Variants in MOK observed in about 807,000 individuals in gnomAD.
MOK encodes the protein MAPK/MAK/MRK overlapping kinase.
MOK carries 59 observed loss-of-function variants against 54.2 expected under a neutral mutation model. That is an observed-to-expected ratio of 1.09 (90% CI 0.88 to 1.35). MOK has a LOEUF of 1.35. MOK is among the 40% of genes most tolerant of loss of function. MOK has a pLI of 0.00. For synonymous variants in MOK, 210 were observed against 202.7 expected (o/e 1.04, Z -0.31); for missense variants, 517 against 526.2 (o/e 0.98, Z 0.17).
intron 1 of MOK, among the ~76,000 whole-genome samples, chr14:102,303,907 AAAAC>A (rs1383316901): frequency 2.6e-5 from 4 of 152,274 alleles, no homozygotes; most frequent in East Asian, 1.9e-4. Context: ...GAAAATTTTC[AAAAC>A]AAACAGATGG....
chr14:102,229,456 C>T lies in MOK; in HGVS notation c.1182+1G>A, dbSNP rs547970435. ...CGTCAGAGAAGCTGGTTCCGCGCTACCTTCTTGCTCGCAGGGATGCACTTC... is the reference window on the plus strand; with the variant it reads ...CGTCAGAGAAGCTGGTTCCGCGCTATCTTCTTGCTCGCAGGGATGCACTTC... On this transcript the variant is annotated splice_donor_variant, in intron 11 of 11. Transcript: ENST00000361847. LOFTEE classifies it high-confidence loss of function. 2.5e-6 allele frequency: 4 copies of T among 1,614,206 alleles called. No homozygotes were observed. The South Asian group carries it at 4.4e-5, about 18-fold the overall frequency.
intron 4 of MOK, among the ~76,000 whole-genome samples, chr14:102,261,398 AAAAAAAAAAAAAAAAAAAAAATAT>A (rs1440773973): frequency 1.4e-5 from 1 of 70,312 alleles, no homozygotes; most frequent in South Asian, 5.2e-4. Flanking sequence ...AAAAAAAAAA[AAAAAAAAAAAAAAAAAAAAAATAT>A]ATATATATAT....
intron 7 of MOK, among the ~76,000 whole-genome samples, chr14:102,239,097 CCAAT>C (rs1447598727): frequency 6.6e-6 from 1 of 152,208 alleles, no homozygotes; most frequent in African/African-American, 2.4e-5. Flanking sequence ...CTCCCTCGCT[CCAAT>C]CAATCAGACA....
intron 2 of MOK, among the ~76,000 whole-genome samples, chr14:102,267,395 G>A (rs1476834531): frequency 2.0e-5 from 3 of 151,948 alleles, no homozygotes; most frequent in Non-Finnish European, 4.4e-5. Flanking sequence ...GTGAAACCCC[G>A]TCTCTACTAA....
intron 1 of MOK, among the ~76,000 whole-genome samples, chr14:102,303,110 A>G (rs1175020750): frequency 1.3e-5 from 2 of 151,958 alleles, no homozygotes; most frequent in South Asian, 2.1e-4. Context: ...GCAGTGAGCC[A>G]AGATTGCACC....
chr14:102,283,631 A>G, intron 1 of MOK, 39 bp from the exon 2 acceptor site: 1 of 1,315,518 alleles, frequency 7.6e-7, no homozygotes, highest in Non-Finnish European at 1.1e-6. Flanking sequence ...AATGTTATTT[A>G]TGCATACACT....
chr14:102,225,942 CGTT>C (rs1254751022), downstream of MOK: 3 of 246,946 alleles, frequency 1.2e-5, no homozygotes, highest in Non-Finnish European at 2.4e-5. Context: ...ACACTTCTGG[CGTT>C]GGAGAATGCA....
chr14:102,298,849 T>C (rs746883377), intron 1 of MOK, among the ~76,000 whole-genome samples: 1 of 152,220 alleles, frequency 6.6e-6, no homozygotes, highest in Non-Finnish European at 1.5e-5. Flanking sequence ...GCTTCTCTCC[T>C]GAGGCCAGCA....
At chr14:102,223,169 A>G, downstream of MOK, 1 of 211,960 alleles carries the variant, frequency 4.7e-6, no homozygotes, top group South Asian at 9.0e-5. Context: ...AATTTCATAT[A>G]TATATAATAT....
chr14:102,219,177 A>G, the MOK span, among the ~76,000 whole-genome samples: 6 of 152,186 alleles, frequency 3.9e-5, no homozygotes, highest in African/African-American at 1.2e-4. Context: ...CTACCACCTG[A>G]TAATCTTTAG....
rs1489861288 is a variant in MOK at position 102,245,301 on chromosome 14, T to C, written c.590+5511A>G. Among the ~76,000 whole-genome samples, 3 of 151,862 alleles carry C rather than the reference T, an allele frequency of 2.0e-5. No homozygotes were observed. Among genetic ancestry groups the C allele is most frequent in the Non-Finnish European group, 4.4e-5 (3 of 67,998 alleles). On this transcript the variant is annotated intron_variant, in intron 7 of 11. Coordinates refer to ENST00000361847, the MANE Select transcript of MOK (RefSeq NM_014226.3). This position sits in a 1 kb window ranked among gnomAD's most constrained non-coding sequence, Gnocchi z 4.3. ...CCACTCGAAGCAGCCCTGAGAAACA[T>C]CGCCCATTATCTCTTCATACCACCC...
At chr14:102,216,146 C>T in the MOK span, among the ~76,000 whole-genome samples, 244 of 152,280 alleles carry the variant, frequency 1.6e-3, 1 homozygote, top group Middle Eastern at 6.8e-3. Flanking sequence ...CTCTGGAGTG[C>T]GGGGTCAGCA....
chr14:102,300,087 G>A (rs1237746729), intron 1 of MOK, among the ~76,000 whole-genome samples: 1 of 152,048 alleles, frequency 6.6e-6, no homozygotes, highest in Admixed American at 6.6e-5. Flanking sequence ...ACTTTGGGAG[G>A]CCAAGGCGGG....
At chr14:102,290,471 A>C (rs180878142) in intron 1 of MOK, among the ~76,000 whole-genome samples, 55 of 152,270 alleles carry the variant, frequency 3.6e-4, no homozygotes, top group Admixed American at 5.9e-4. Flanking sequence ...AACAAACAAA[A>C]AAAATAGTAA....
At chr14:102,222,411 G>C (rs1483698085), downstream of MOK, among the ~76,000 whole-genome samples, 1 of 152,206 alleles carries the variant, frequency 6.6e-6, no homozygotes, top group Non-Finnish European at 1.5e-5. The surrounding 1 kb of genome is among the most constrained non-coding windows in gnomAD (Gnocchi z 4.4). Flanking sequence ...ACAACCCCTG[G>C]CTCCGAGGGA....
At chr14:102,270,039 T>C (rs967807410) in intron 2 of MOK, among the ~76,000 whole-genome samples, 11 of 152,160 alleles carry the variant, frequency 7.2e-5, no homozygotes, top group Non-Finnish European at 1.5e-4. Flanking sequence ...ATAAGGTAAG[T>C]CTCAATACAT....
chr14:102,255,049 G>A (rs1274517415), intron 4 of MOK, among the ~76,000 whole-genome samples: 1 of 152,228 alleles, frequency 6.6e-6, no homozygotes, highest in East Asian at 1.9e-4. Context: ...TTAAAAAGCT[G>A]ATTAAAAAGC....
rs1190953262 is a variant in MOK at position 102,231,771 on chromosome 14, T to C, written c.917A>G (p.Glu306Gly). ...LGSHRKAGFP[E>G]HPVAPEPLSN... ...GAGTGGTTCCGGTGCCACAGGGTGCTCCGGAAAGCCAGCTTTTCTGTGGCT... is the reference window on the plus strand; with the variant it reads ...GAGTGGTTCCGGTGCCACAGGGTGCCCCGGAAAGCCAGCTTTTCTGTGGCT... Residue 306 changes from glutamate to glycine, a missense_variant, in exon 10 of 12, where the codon GAG becomes GGG. Physicochemically the swap from Glu to Gly is moderately conservative, Grantham distance 98 (BLOSUM62 -2). Transcript: ENST00000361847. The surrounding 1 kb of genome is among the most constrained non-coding windows in gnomAD (Gnocchi z 4.4). The C allele has an allele frequency of 5.0e-6, 8 of 1,612,508 alleles. No homozygotes were observed. Among genetic ancestry groups the C allele is most frequent in the Non-Finnish European group, 6.8e-6 (8 of 1,179,592 alleles).
intron 4 of MOK, among the ~76,000 whole-genome samples, chr14:102,259,496 C>T (rs767184008): frequency 9.2e-5 from 14 of 152,152 alleles, no homozygotes; most frequent in Non-Finnish European, 1.8e-4. Context: ...CCAGTTCTGC[C>T]ATTTATTAAC....
Sources: gnomAD v4.1 joint callset for allele counts (sites outside exome capture counted in the v4.1 genomes callset) on GRCh38, gnomAD v4.1.1 for gene constraint, Gnocchi (gnomAD v3.1) non-coding constraint, MANE v1.5 for transcripts, NCBI Gene and HGNC (gene_info 2026-07-23, HGNC 2026-07-21) for gene names.